The following FBXO41 variants were observed in gnomAD, a reference collection of about 807,000 sequenced individuals.
The protein encoded by FBXO41 is F-box only protein 41.
Under a neutral mutation model 81.6 loss-of-function variants are expected in FBXO41, and 33 were observed. The ratio of observed to expected loss-of-function variants is 0.40; its 90% CI spans 0.31 to 0.54. FBXO41 has a LOEUF of 0.54. Ranked by LOEUF, FBXO41 falls within the 20% of genes least tolerant of loss-of-function variation. The probability of loss-of-function intolerance (pLI) is 0.39; values close to 1 mark genes in which losing one functional copy is unlikely to be tolerated. For missense variants in FBXO41, 1,107 were observed against 1,236.0 expected (o/e 0.90, Z 1.56); for synonymous variants, 576 against 552.7 (o/e 1.04, Z -0.59).
At chr2:73,283,881 G>A (rs1272802997) in intron 1 of FBXO41, among the ~76,000 whole-genome samples, 1 of 152,140 alleles carries the variant, frequency 6.6e-6, no homozygotes, top group Non-Finnish European at 1.5e-5. Flanking sequence ...TCCCAGTGGG[G>A]TTCTGGAGCC....
intron 1 of FBXO41, among the ~76,000 whole-genome samples, chr2:73,279,732 T>A (rs547250056): frequency 1.3e-5 from 2 of 152,028 alleles, no homozygotes; most frequent in Non-Finnish European, 2.9e-5. Context: ...TACAAGAAGC[T>A]CAACTGTGAA....
rs372629043 is a variant in FBXO41 at position 73,266,523 on chromosome 2, G to A, written c.1065C>T (p.Ser355=). The A allele has an allele frequency of 0.017, 26,755 of 1,603,384 alleles. 247 individuals are homozygous for A. Among genetic ancestry groups the A allele is most frequent in the Non-Finnish European group, 0.02 (23,580 of 1,176,142 alleles). The change falls in exon 3 of 13, where the codon AGC becomes AGT. Residue 355 remains serine (S), a synonymous_variant. Coordinates refer to ENST00000520530, the MANE Select transcript of FBXO41 (RefSeq NM_001371389.2). This position sits in a 1 kb window ranked among gnomAD's most constrained non-coding sequence, Gnocchi z 5.3. ...CCCCACCTCCACGGCCCAGGCTGGC[G>A]CTGGGCGTGCTGCCACAGCTGCTGC... ...VISSSCGSTP[S]ASLGRGGGGG... is the part of the protein sequence containing the mutation.
intron 1 of FBXO41, among the ~76,000 whole-genome samples, chr2:73,283,835 CCCCT>C (rs1188713079): frequency 6.6e-6 from 1 of 152,244 alleles, no homozygotes; most frequent in East Asian, 1.9e-4. Flanking sequence ...CTTCCCCTCC[CCCCT>C]CCCTCTGGCC....
chr2:73,259,405 A>T lies in FBXO41; in HGVS notation c.2450-109T>A, dbSNP rs2103846584. On this transcript the variant is annotated intron_variant, in intron 11 of 12. Coordinates refer to ENST00000520530, the MANE Select transcript of FBXO41 (RefSeq NM_001371389.2). The surrounding 1 kb of genome is among the most constrained non-coding windows in gnomAD (Gnocchi z 4.2). ...GACAATCAGGTGCCAGCTACCGGGAACACGACAGAGGAGAGCAGACTCATG... is the reference window on the plus strand; with the variant it reads ...GACAATCAGGTGCCAGCTACCGGGATCACGACAGAGGAGAGCAGACTCATG... 6.4e-6 allele frequency: 6 copies of T among 939,250 alleles called. No individual in the cohort carries two copies. In the East Asian group the frequency reaches 1.5e-4, roughly 24 times the overall value. The allele number at this position is 939,250 out of a possible 1,614,324, so 58.2% of individuals were successfully genotyped here. A position where few individuals can be genotyped will look rare whatever the true frequency, so the allele number is the denominator to read the frequency against.
At chr2:73,262,674 A>G (rs188058027) in intron 9 of FBXO41, among the ~76,000 whole-genome samples, 2 of 152,374 alleles carry the variant, frequency 1.3e-5, no homozygotes, top group East Asian at 3.9e-4. Flanking sequence ...CTAAGACATG[A>G]TTGAGATTGC....
At chr2:73,264,148 A>C (rs1688133649) in intron 6 of FBXO41, 95 bp from the exon 7 acceptor site, 1 of 1,554,456 alleles carries the variant, frequency 6.4e-7, no homozygotes, top group Non-Finnish European at 8.7e-7. Context: ...CCATGAGAGC[A>C]TTTCAGGGAA....
chr2:73,260,699 G>T lies in FBXO41; in HGVS notation c.2290+41C>A, dbSNP rs1687983739. ...ACAAGGCAGCACTGCACCCATGCCT[G>T]CTTCCCACTACCCACCACCCCAGTC... On this transcript the variant is annotated intron_variant, in intron 10 of 12. Coordinates refer to ENST00000520530, the MANE Select transcript of FBXO41 (RefSeq NM_001371389.2). This position sits in a 1 kb window ranked among gnomAD's most constrained non-coding sequence, Gnocchi z 5.0. 6.6e-7 allele frequency: 1 copy of T among 1,515,016 alleles called. No individual in the cohort carries two copies. The highest frequency in any genetic ancestry group is 1.3e-5 in the South Asian group (1 of 79,624). The allele number at this position is 1,515,016 out of a possible 1,614,324, so 93.8% of individuals were successfully genotyped here.
intron 9 of FBXO41, 47 bp downstream of exon 9, chr2:73,263,166 G>T: frequency 6.7e-7 from 1 of 1,484,986 alleles, no homozygotes; most frequent in Non-Finnish European, 9.2e-7. Context: ...CCCAGACCAG[G>T]CCCAACCGTG....
chr2:73,281,047 CTG>C (rs1323846509), intron 1 of FBXO41, among the ~76,000 whole-genome samples: 3 of 152,158 alleles, frequency 2.0e-5, no homozygotes, highest in Non-Finnish European at 2.9e-5. Context: ...TAAGAGCTTG[CTG>C]TGTCTTCTCA....
rs1449818477 is a variant in FBXO41, at chr2:73,278,819, GA to G, written c.-139+5340del. 2.6e-5 allele frequency among the ~76,000 whole-genome samples: 4 copies of G among 152,348 alleles called. No individual in the cohort carries two copies. In the East Asian group the frequency reaches 5.8e-4, roughly 22 times the overall value. On this transcript the variant is annotated intron_variant, in intron 1 of 12. Coordinates refer to ENST00000520530, the MANE Select transcript of FBXO41 (RefSeq NM_001371389.2). ...AGCATGTATAAGGGCAAGGAAGTGAGAAAGAGTATTCCTCCTTCAGGGAACT... is the reference window on the plus strand; with the variant it reads ...AGCATGTATAAGGGCAAGGAAGTGAGAAGAGTATTCCTCCTTCAGGGAACT...
chr2:73,266,858 C>G lies in FBXO41; in HGVS notation c.906-176G>C. Reference sequence around the variant, plus strand: ...ACACAGCCCCGCACGATGACACATACAGAAATGCATGCATGCACTCCGAGC... The same window carrying G: ...ACACAGCCCCGCACGATGACACATAGAGAAATGCATGCATGCACTCCGAGC... On this transcript the variant is annotated intron_variant, in intron 2 of 12. Coordinates refer to ENST00000520530, the MANE Select transcript of FBXO41 (RefSeq NM_001371389.2). The surrounding 1 kb of genome is among the most constrained non-coding windows in gnomAD (Gnocchi z 5.3). The G allele has an allele frequency of 9.8e-7, 1 of 1,021,522 alleles. No individual in the cohort carries two copies. Among genetic ancestry groups the G allele is most frequent in the Non-Finnish European group, 1.3e-6 (1 of 763,372 alleles). 63.3% of individuals were successfully genotyped at this position (1,021,522 alleles called of 1,614,324 possible).
In FBXO41 at chr2:73,263,728, C is replaced by T. The variant is rs748205595; in HGVS notation, c.2025G>A (p.Ser675=). The T allele has an allele frequency of 1.2e-5, 20 of 1,613,828 alleles. No individual in the cohort carries two copies. The highest frequency in any genetic ancestry group is 6.7e-5 in the East Asian group (3 of 44,888). Residue 675 remains serine (S), a synonymous_variant, in exon 8 of 13, where the codon TCG becomes TCA. Coordinates refer to ENST00000520530, the MANE Select transcript of FBXO41 (RefSeq NM_001371389.2). ...SHCPNILTDR[S]LWLASCYCRA... Reference sequence around the variant, plus strand: ...GGCAGTAGCAGCTGGCCAGCCAGAGCGAGCGGTCGGTGAGGATGTTTGGAC... The same window carrying T: ...GGCAGTAGCAGCTGGCCAGCCAGAGTGAGCGGTCGGTGAGGATGTTTGGAC...
rs1038141300 is a variant in FBXO41 at position 73,263,199 on chromosome 2, C to T, written c.2171+14G>A. 3.2e-6 allele frequency: 5 copies of T among 1,551,562 alleles called. No individual in the cohort carries two copies. In the African/African-American group the frequency reaches 4.1e-5, roughly 13 times the overall value. ...GTGTCCCCCCTCCTATCCCCCAAAC[C>T]TGCCAGGGCTCACCAGGGGTGAAGT... is the stretch of plus-strand genomic sequence containing the variant. On this transcript the variant is annotated intron_variant, in intron 9 of 12. Coordinates refer to ENST00000520530, the MANE Select transcript of FBXO41 (RefSeq NM_001371389.2).
In FBXO41 at chr2:73,269,022, C is replaced by T. The variant is rs367626582; in HGVS notation, c.609G>A (p.Ala203=). 3.0e-4 allele frequency: 466 copies of T among 1,538,006 alleles called. 2 individuals carry two copies. In the African/African-American group the frequency reaches 5.7e-3, roughly 19 times the overall value. ...PADVAYEEGL[A]RLKIRALEKL... is the part of the protein sequence containing the mutation. ...TCTCCAGCGCGCGGATCTTGAGGCGCGCCAGGCCCTCTTCGTAGGCCACAT... is the reference window on the plus strand; with the variant it reads ...TCTCCAGCGCGCGGATCTTGAGGCGTGCCAGGCCCTCTTCGTAGGCCACAT... The change falls in exon 2 of 13, where the codon GCG becomes GCA. Residue 203 remains alanine, a synonymous_variant. Transcript: ENST00000520530. The surrounding 1 kb of genome is among the most constrained non-coding windows in gnomAD (Gnocchi z 7.0).
Position 73,257,892 on chromosome 2 carries a change from T to C in FBXO41, c.*1090A>G, listed in dbSNP as rs916158386. ...GTGAGTCTATTGAGGATGCTCTTCC[T>C]CTTCCTTGGCCCCATGGGTCTGGCT... On this transcript the variant is annotated 3_prime_UTR_variant, in exon 13 of 13. Coordinates refer to ENST00000520530, the MANE Select transcript of FBXO41 (RefSeq NM_001371389.2). The surrounding 1 kb of genome is among the most constrained non-coding windows in gnomAD (Gnocchi z 4.6). 1 of 152,344 alleles carries C rather than the reference T, an allele frequency of 6.6e-6. No individual in the cohort carries two copies. The highest frequency in any genetic ancestry group is 1.5e-5 in the Non-Finnish European group (1 of 68,052). The allele number at this position is 152,344 out of a possible 1,614,324, so 9.4% of individuals were successfully genotyped here. A position where few individuals can be genotyped will look rare whatever the true frequency, so the allele number is the denominator to read the frequency against.
intron 4 of FBXO41, 39 bp downstream of exon 4, chr2:73,265,854 A>C: frequency 6.4e-7 from 1 of 1,553,214 alleles, no homozygotes; most frequent in South Asian, 1.2e-5. Flanking sequence ...TTCCAGGGTG[A>C]GGGTGGGCTG....
intron 1 of FBXO41, among the ~76,000 whole-genome samples, chr2:73,278,978 C>CTT (rs1051012097): frequency 2.2e-4 from 33 of 152,150 alleles, no homozygotes; most frequent in African/African-American, 6.3e-4. Flanking sequence ...ATGGCAAGGG[C>CTT]TTGATCAGAT....
At chr2:73,265,233 A>G in intron 5 of FBXO41, 49 bp downstream of exon 5, 1 of 1,504,320 alleles carries the variant, frequency 6.6e-7, no homozygotes, top group Non-Finnish European at 8.9e-7. Flanking sequence ...AGCCCAGGAG[A>G]TTCACTGCCT....
rs559290672 is a variant in FBXO41, at chr2:73,259,104, C to T, written c.2566-60G>A. The T allele has an allele frequency of 6.2e-7, 1 of 1,609,476 alleles. No homozygotes were observed. Among genetic ancestry groups the T allele is most frequent in the East Asian group, 2.2e-5 (1 of 44,760 alleles). ...TGCCAGGCAGGTGGGGCCCTCCTGC[C>T]ACACTCACCCAGGTCACCAGCCCCA... is the stretch of plus-strand genomic sequence containing the variant. On this transcript the variant is annotated intron_variant, in intron 12 of 12. Transcript: ENST00000520530. The surrounding 1 kb of genome is among the most constrained non-coding windows in gnomAD (Gnocchi z 4.2).
Sources: gnomAD v4.1 joint callset for allele counts (sites outside exome capture counted in the v4.1 genomes callset) on GRCh38, gnomAD v4.1.1 for gene constraint, Gnocchi (gnomAD v3.1) non-coding constraint, MANE v1.5 for transcripts, NCBI Gene and HGNC (gene_info 2026-07-23, HGNC 2026-07-21) for gene names.